DLGAP2: variants seen among roughly 807,000 people sequenced by gnomAD.
DLGAP2 encodes the protein disks large-associated protein 2.
A neutral mutation model predicts 100.3 loss-of-function variants in DLGAP2; 26 were observed. The ratio of observed to expected loss-of-function variants is 0.26; its 90% CI spans 0.19 to 0.36. The LOEUF (loss-of-function observed/expected upper bound fraction) is 0.36. DLGAP2 is among the 10% of genes least tolerant of loss of function. DLGAP2 has a pLI of 1.00. For missense variants in DLGAP2, 1,858 were observed against 1,453.2 expected, an observed-to-expected ratio of 1.28 and a Z score of -4.53; for synonymous variants, 886 against 630.1, an observed-to-expected ratio of 1.41 and a Z score of -6.08.
chr8:1,304,970 C>T (rs533269232), intron 3 of DLGAP2, among the ~76,000 whole-genome samples: 7 of 152,126 alleles, frequency 4.6e-5, no homozygotes, highest in Non-Finnish European at 7.3e-5. Context: ...GAGACAGATA[C>T]GAGTTGGACA....
chr8:1,462,719 G>T (rs1798495421), intron 3 of DLGAP2, among the ~76,000 whole-genome samples: 1 of 152,190 alleles, frequency 6.6e-6, no homozygotes, highest in African/African-American at 2.4e-5. Context: ...GACCAGGAAT[G>T]TACCATCTCA....
chr8:1,239,514 T>C (rs1798734855), intron 2 of DLGAP2, among the ~76,000 whole-genome samples: 1 of 99,306 alleles, frequency 1.0e-5, no homozygotes. Flanking sequence ...CGTGTCTAGT[T>C]CTCTCACATG....
intron 2 of DLGAP2, among the ~76,000 whole-genome samples, chr8:1,244,782 A>G (rs1397588941): frequency 6.6e-6 from 1 of 152,274 alleles, no homozygotes; most frequent in Non-Finnish European, 1.5e-5. Flanking sequence ...AAACCAGTTG[A>G]GCTTTAACAA....
At chr8:748,353 C>G (rs929216987) in intron 1 of DLGAP2, among the ~76,000 whole-genome samples, 4 of 151,970 alleles carry the variant, frequency 2.6e-5, no homozygotes, top group African/African-American at 9.7e-5. Flanking sequence ...CTGTCTCTGT[C>G]TCGCTCCTCC....
intron 8 of DLGAP2, among the ~76,000 whole-genome samples, chr8:1,656,442 C>G (rs1798287284): frequency 6.6e-6 from 1 of 152,174 alleles, no homozygotes; most frequent in Non-Finnish European, 1.5e-5. Context: ...GGGTAGCAGT[C>G]TCCCACCCCT....
intron 2 of DLGAP2, among the ~76,000 whole-genome samples, chr8:1,195,370 G>A (rs923107080): frequency 3.9e-5 from 6 of 152,232 alleles, no homozygotes; most frequent in African/African-American, 9.6e-5. Flanking sequence ...CGCAGCCACC[G>A]ACAGGTCAGA....
chr8:1,248,979 A>G (rs530136511), intron 2 of DLGAP2, among the ~76,000 whole-genome samples: 73 of 152,262 alleles, frequency 4.8e-4, no homozygotes, highest in Admixed American at 1.9e-3. Context: ...CTCAGCCACA[A>G]TGTAAGAGCA....
At chr8:1,222,290 G>C (rs1798330422) in intron 2 of DLGAP2, among the ~76,000 whole-genome samples, 1 of 152,178 alleles carries the variant, frequency 6.6e-6, no homozygotes, top group African/African-American at 2.4e-5. Flanking sequence ...TTGCGAGTTT[G>C]ACTGTGGTAT....
At chr8:1,113,968 T>A (rs1169627881) in intron 2 of DLGAP2, among the ~76,000 whole-genome samples, 2 of 152,210 alleles carry the variant, frequency 1.3e-5, no homozygotes, top group Non-Finnish European at 2.9e-5. Context: ...ATGGTTTTTG[T>A]CTTTAGTTCT....
intron 2 of DLGAP2, among the ~76,000 whole-genome samples, chr8:966,255 A>T (rs1312089106): frequency 1.3e-5 from 2 of 152,216 alleles, no homozygotes; most frequent in Non-Finnish European, 1.5e-5. Flanking sequence ...AGTGTTTACC[A>T]GTTGTCCACG....
intron 1 of DLGAP2, among the ~76,000 whole-genome samples, chr8:755,414 G>A (rs1056797286): frequency 4.7e-4 from 72 of 152,272 alleles, no homozygotes; most frequent in African/African-American, 1.7e-3. Flanking sequence ...AGCTGTGATT[G>A]CCACTGCACT....
intron 3 of DLGAP2, among the ~76,000 whole-genome samples, chr8:1,414,653 G>A (rs987617655): frequency 4.6e-5 from 7 of 151,606 alleles, no homozygotes; most frequent in South Asian, 4.2e-4. Flanking sequence ...ATCTACGCAC[G>A]TCCAGGCGTC....
Position 1,669,591 on chromosome 8 carries a change from G to A in DLGAP2, c.2161-152G>A, listed in dbSNP as rs139077807. Among the ~76,000 whole-genome samples, 216 of 152,326 alleles carry A rather than the reference G, an allele frequency of 1.4e-3. 1 individual carries two copies. The Middle Eastern group carries it at 0.027, about 19-fold the overall frequency. ...TCAGATTCTTGATTGCCGCTGGGGC[G>A]GCCCAGGGAGGAGGGTGAGTGGAGC... On this transcript the variant is annotated intron_variant, in intron 9 of 14. Coordinates refer to ENST00000637795, the MANE Select transcript of DLGAP2 (RefSeq NM_001346810.2).
intron 4 of DLGAP2, among the ~76,000 whole-genome samples, chr8:1,516,021 A>ATTAG (rs34042062): frequency 1.4e-4 from 21 of 150,576 alleles, no homozygotes; most frequent in Non-Finnish European, 3.0e-4. Flanking sequence ...GAGTGCATGA[A>ATTAG]TGAGTGAGTG....
At chr8:1,219,004 A>G (rs1262132201) in intron 2 of DLGAP2, among the ~76,000 whole-genome samples, 1 of 152,164 alleles carries the variant, frequency 6.6e-6, no homozygotes, top group Non-Finnish European at 1.5e-5. Context: ...GAAGTTTATC[A>G]GTTTTAGGAG....
intron 3 of DLGAP2, among the ~76,000 whole-genome samples, chr8:1,352,700 A>G (rs1285482400): frequency 6.6e-6 from 1 of 152,070 alleles, no homozygotes; most frequent in Non-Finnish European, 1.5e-5. Flanking sequence ...TCTTTACATG[A>G]CTTCTCTGCC....
At chr8:972,596 AT>A (rs1024913676) in intron 2 of DLGAP2, among the ~76,000 whole-genome samples, 15 of 149,020 alleles carry the variant, frequency 1.0e-4, no homozygotes, top group South Asian at 2.1e-4. Context: ...GGTAGAAAAT[AT>A]TTTTTTTTGT....
chr8:1,296,104 GTTGA>G (rs1800166028), intron 3 of DLGAP2: 1 of 152,162 alleles, frequency 6.6e-6, no homozygotes, highest in Non-Finnish European at 1.5e-5. Context: ...TTTCCCGAGT[GTTGA>G]TTTTCAGAAG....
chr8:1,289,305 T>C (rs1181230129), intron 3 of DLGAP2, among the ~76,000 whole-genome samples: 1 of 152,174 alleles, frequency 6.6e-6, no homozygotes, highest in Non-Finnish European at 1.5e-5. Flanking sequence ...TTTGACCAAA[T>C]TGGAGGAAAT....
Sources: allele counts gnomAD v4.1 joint callset (sites outside exome capture counted in the v4.1 genomes callset), GRCh38; gene constraint gnomAD v4.1.1; transcripts MANE v1.5; gene names NCBI Gene and HGNC (gene_info 2026-07-23, HGNC 2026-07-21).